GSE1: variants seen among roughly 807,000 people sequenced by gnomAD.
GSE1 encodes Gse1 coiled-coil protein, also known as genetic suppressor element 1.
Under a neutral mutation model 112.6 loss-of-function variants are expected in GSE1, and 32 were observed. That is an observed-to-expected ratio of 0.28 (90% confidence interval 0.21 to 0.38). The LOEUF (loss-of-function observed/expected upper bound fraction) is 0.38, where lower values mean the gene tolerates loss of function less well. GSE1 is among the 10% of genes least tolerant of loss of function. The pLI, the probability that GSE1 is intolerant of heterozygous loss-of-function variation, is 1.00. For synonymous variants in GSE1, 1,115 were observed against 735.6 expected (o/e 1.52, Z -8.35); for missense variants, 2,348 against 1,699.2 (o/e 1.38, Z -6.71).
chr16:85,181,775 C>T (rs937680410), intron 1 of GSE1, among the ~76,000 whole-genome samples: 1 of 152,170 alleles, frequency 6.6e-6, no homozygotes, highest in Non-Finnish European at 1.5e-5. Flanking sequence ...TGGGACGGGT[C>T]CTGGGGTCCA....
At chr16:85,665,873 G>A in intron 12 of GSE1, 103 bp from the exon 13 acceptor site, 4 of 1,111,146 alleles carry the variant, frequency 3.6e-6, no homozygotes, top group Non-Finnish European at 5.4e-6. Flanking sequence ...CTTTGCGCTA[G>A]GTCTTTGTTA....
intron 2 of GSE1, among the ~76,000 whole-genome samples, chr16:85,425,632 A>G (rs543119375): frequency 6.7e-6 from 1 of 148,186 alleles, no homozygotes; most frequent in East Asian, 2.0e-4. Flanking sequence ...TGGCCACCCC[A>G]CCCACCCTCC....
chr16:85,654,061 A>G (rs1192844153), intron 3 of GSE1, among the ~76,000 whole-genome samples: 1 of 151,882 alleles, frequency 6.6e-6, no homozygotes, highest in African/African-American at 2.4e-5. Flanking sequence ...CCCGAGACGC[A>G]CTTCACCCCA....
At chr16:85,250,353 C>T (rs1425486206) in intron 1 of GSE1, among the ~76,000 whole-genome samples, 1 of 152,226 alleles carries the variant, frequency 6.6e-6, no homozygotes, top group Non-Finnish European at 1.5e-5. Flanking sequence ...GCAGGACCGG[C>T]TGGCAGTTTA....
chr16:85,434,086 A>G (rs929092126), intron 2 of GSE1, among the ~76,000 whole-genome samples: 2 of 152,170 alleles, frequency 1.3e-5, no homozygotes, highest in African/African-American at 4.8e-5. Flanking sequence ...ATTCTCCAGT[A>G]TCAAAGTCTG....
chr16:85,620,110 AAAAAAT>A (rs777773994), intron 1 of GSE1, among the ~76,000 whole-genome samples: 78 of 152,260 alleles, frequency 5.1e-4, no homozygotes, highest in East Asian at 7.7e-4. Flanking sequence ...TCCTCTCTAC[AAAAAAT>A]AAAAATAAAA....
chr16:85,662,101 A>T (rs2052482360), intron 9 of GSE1, among the ~76,000 whole-genome samples: 1 of 152,220 alleles, frequency 6.6e-6, no homozygotes. Flanking sequence ...AGTGCAGCAT[A>T]ACAGGAGAGC....
intron 1 of GSE1, among the ~76,000 whole-genome samples, chr16:85,336,226 C>T (rs536751977): frequency 1.3e-5 from 2 of 152,266 alleles, no homozygotes; most frequent in South Asian, 2.1e-4. Flanking sequence ...TCCTGACATG[C>T]GCCACTCCAG....
chr16:85,640,094 G>T (rs997878876), intron 2 of GSE1, among the ~76,000 whole-genome samples: 7 of 152,320 alleles, frequency 4.6e-5, no homozygotes, highest in African/African-American at 1.7e-4. Flanking sequence ...TTCTGAGCAG[G>T]TGCTCCTGGC....
chr16:85,204,756 G>A (rs918930709), intron 1 of GSE1, among the ~76,000 whole-genome samples: 1 of 152,234 alleles, frequency 6.6e-6, no homozygotes, highest in African/African-American at 2.4e-5. Flanking sequence ...AGCAAGCTGA[G>A]CTCACAGGGT....
At chr16:85,216,791 T>C (rs923023890) in intron 1 of GSE1, among the ~76,000 whole-genome samples, 2 of 152,240 alleles carry the variant, frequency 1.3e-5, no homozygotes, top group African/African-American at 4.8e-5. Context: ...GGGCTGTTTC[T>C]GGGGCTGTCC....
chr16:85,542,734 C>T (rs369124045), intron 2 of GSE1, among the ~76,000 whole-genome samples: 1 of 152,230 alleles, frequency 6.6e-6, no homozygotes, highest in African/African-American at 2.4e-5. Flanking sequence ...CCACACAGCA[C>T]CTGGTTTGTG....
chr16:85,571,539 G>C (rs2045979733), intron 1 of GSE1, among the ~76,000 whole-genome samples: 2 of 152,180 alleles, frequency 1.3e-5, no homozygotes, highest in Non-Finnish European at 2.9e-5. Context: ...GCAATCCTCG[G>C]AGCGATACTG....
chr16:85,175,186 T>A (rs1429125319), intron 1 of GSE1, among the ~76,000 whole-genome samples: 1 of 152,074 alleles, frequency 6.6e-6, no homozygotes, highest in Non-Finnish European at 1.5e-5. Flanking sequence ...CTGCTTTGGA[T>A]AGGATTTGCA....
intron 2 of GSE1, among the ~76,000 whole-genome samples, chr16:85,442,910 G>A (rs1433021972): frequency 2.6e-5 from 4 of 152,158 alleles, no homozygotes; most frequent in Non-Finnish European, 2.9e-5. Context: ...TGTCCCTTCC[G>A]AGCTCCGGTG....
chr16:85,631,248 C>T (rs1315112324), intron 1 of GSE1, among the ~76,000 whole-genome samples: 4 of 152,226 alleles, frequency 2.6e-5, no homozygotes, highest in Non-Finnish European at 5.9e-5. Context: ...AGATAGGACC[C>T]GGAGGTCCTC....
chr16:85,663,239 C>G, intron 10 of GSE1, 105 bp from the exon 11 acceptor site: 5 of 1,380,696 alleles, frequency 3.6e-6, no homozygotes, highest in Non-Finnish European at 5.0e-6. Context: ...CCAGGCGCAG[C>G]CAGCTACGGC....
chr16:85,207,880 A>C (rs543905893), intron 1 of GSE1: 1 of 152,370 alleles, frequency 6.6e-6, no homozygotes, highest in Admixed American at 6.5e-5. Context: ...GCGCATGAAG[A>C]GGAGACCGGC....
intron 2 of GSE1, among the ~76,000 whole-genome samples, chr16:85,539,272 A>G (rs1369289565): frequency 6.6e-6 from 1 of 152,210 alleles, no homozygotes; most frequent in African/African-American, 2.4e-5. Context: ...TGCCCCTGCT[A>G]TTAGCTGCAT....
Sources: gnomAD v4.1 joint callset for allele counts (sites outside exome capture counted in the v4.1 genomes callset) on GRCh38, gnomAD v4.1.1 for gene constraint, MANE v1.5 for transcripts, NCBI Gene and HGNC (gene_info 2026-07-23, HGNC 2026-07-21) for gene names.